Variants in GRID2 observed in about 807,000 individuals in gnomAD.
The protein encoded by GRID2 is glutamate receptor ionotropic, delta-2.
Under a neutral mutation model 114.8 loss-of-function variants are expected in GRID2, and 33 were observed. That is an observed-to-expected ratio of 0.29 (90% CI 0.22 to 0.38). The LOEUF (loss-of-function observed/expected upper bound fraction) is 0.38, where lower values mean the gene tolerates loss of function less well. GRID2 is among the 10% of genes least tolerant of loss of function. The pLI, the probability that GRID2 is intolerant of heterozygous loss-of-function variation, is 1.00. For synonymous variants in GRID2, 505 were observed against 449.9 expected, an observed-to-expected ratio of 1.12 and a Z score of -1.55; for missense variants, 1,184 against 1,257.7, an observed-to-expected ratio of 0.94 and a Z score of 0.89.
intron 2 of GRID2, among the ~76,000 whole-genome samples, chr4:93,000,157 G>A (rs1172517126): frequency 6.6e-6 from 1 of 151,646 alleles, no homozygotes; most frequent in East Asian, 1.9e-4. Context: ...GTACTTAGAA[G>A]AGTTAATAAC....
At chr4:92,541,458 C>A (rs965241392) in intron 1 of GRID2, among the ~76,000 whole-genome samples, 6 of 151,076 alleles carry the variant, frequency 4.0e-5, no homozygotes, top group African/African-American at 7.2e-5. Context: ...TGTGAAAAAA[C>A]CATATTAATC....
At chr4:93,153,604 G>T (rs180670694) in intron 4 of GRID2, among the ~76,000 whole-genome samples, 1 of 152,106 alleles carries the variant, frequency 6.6e-6, no homozygotes, top group African/African-American at 2.4e-5. Context: ...ATTCCAGGCC[G>T]GGACATAGCA....
chr4:93,707,377 T>C (rs998835695), intron 14 of GRID2, among the ~76,000 whole-genome samples: 1 of 152,126 alleles, frequency 6.6e-6, no homozygotes, highest in Admixed American at 6.5e-5. Context: ...TTGAACTAAG[T>C]ACTTGTTATT....
At chr4:93,242,171 A>G (rs1747604502) in intron 8 of GRID2, among the ~76,000 whole-genome samples, 1 of 151,946 alleles carries the variant, frequency 6.6e-6, no homozygotes, top group Admixed American at 6.6e-5. Context: ...GAGAAATAGG[A>G]GGCAAGATTA....
At chr4:92,389,153 A>G (rs1730125451) in intron 1 of GRID2, among the ~76,000 whole-genome samples, 1 of 150,224 alleles carries the variant, frequency 6.7e-6, no homozygotes, top group South Asian at 2.1e-4. Flanking sequence ...GCCTTTAATA[A>G]GATATATTTC....
intron 8 of GRID2, among the ~76,000 whole-genome samples, chr4:93,287,020 A>T (rs1753246708): frequency 6.6e-6 from 1 of 152,076 alleles, no homozygotes; most frequent in East Asian, 1.9e-4. Context: ...GGTAAGAAAA[A>T]ATATATATGA....
chr4:92,778,217 A>T (rs1416360262), intron 2 of GRID2, among the ~76,000 whole-genome samples: 1 of 151,890 alleles, frequency 6.6e-6, no homozygotes, highest in African/African-American at 2.4e-5. Context: ...CTTGATCCTC[A>T]TTTATACCTT....
rs1388131154 is a variant in GRID2 at position 92,715,963 on chromosome 4, T to A, written c.244+125677T>A. On this transcript the variant is annotated intron_variant, in intron 2 of 15. Transcript: ENST00000282020. ...AAGAAACTGCTATAGAATGAAAAAATTTAATGGTTTTCTACTTGAGATGTT... is the reference window on the plus strand; with the variant it reads ...AAGAAACTGCTATAGAATGAAAAAAATTAATGGTTTTCTACTTGAGATGTT... 5.3e-5 allele frequency among the ~76,000 whole-genome samples: 8 copies of A among 152,158 alleles called. No homozygotes were observed. The South Asian group carries it at 1.2e-3, about 24-fold the overall frequency.
intron 2 of GRID2, among the ~76,000 whole-genome samples, chr4:92,835,231 T>C (rs1578266261): frequency 6.8e-6 from 1 of 147,916 alleles, no homozygotes; most frequent in Non-Finnish European, 1.5e-5. Flanking sequence ...AGGTTGAGGG[T>C]AGGGAAAGTA....
chr4:93,635,688 G>A (rs972114175), intron 14 of GRID2, among the ~76,000 whole-genome samples: 1 of 151,958 alleles, frequency 6.6e-6, no homozygotes, highest in Non-Finnish European at 1.5e-5. Context: ...TCCTTGTGGA[G>A]CTACTTTTAT....
chr4:93,681,890 A>G (rs2110093293), intron 14 of GRID2, among the ~76,000 whole-genome samples: 1 of 151,970 alleles, frequency 6.6e-6, no homozygotes, highest in East Asian at 1.9e-4. Flanking sequence ...CATGTCTAAA[A>G]CACCAAAAGC....
chr4:93,111,829 G>A (rs1451674583), intron 4 of GRID2: 2 of 143,018 alleles, frequency 1.4e-5, no homozygotes, highest in Non-Finnish European at 3.0e-5. Context: ...TTCCAAATTA[G>A]GAACATGTTA....
intron 14 of GRID2, among the ~76,000 whole-genome samples, chr4:93,746,204 A>G (rs1731827382): frequency 6.6e-6 from 1 of 152,142 alleles, no homozygotes; most frequent in African/African-American, 2.4e-5. Flanking sequence ...TAAGTCACTA[A>G]ATATTCATTA....
chr4:93,355,578 T>C (rs184588737), intron 8 of GRID2, among the ~76,000 whole-genome samples: 364 of 152,190 alleles, frequency 2.4e-3, no homozygotes, highest in African/African-American at 6.6e-3. Context: ...ATTTCTGCTA[T>C]GTCCTCTTAG....
At chr4:93,074,804 G>A (rs1174841792) in intron 2 of GRID2, among the ~76,000 whole-genome samples, 4 of 152,014 alleles carry the variant, frequency 2.6e-5, no homozygotes, top group Non-Finnish European at 5.9e-5. Context: ...TATAAAGAGA[G>A]CTGACATCAC....
At chr4:93,560,685 T>A (rs13143406) in intron 13 of GRID2, among the ~76,000 whole-genome samples, 3 of 151,822 alleles carry the variant, frequency 2.0e-5, no homozygotes, top group African/African-American at 7.3e-5. Flanking sequence ...TTGCTGGGTT[T>A]CCCAGGCTGG....
chr4:92,739,170 C>T (rs1271156771), intron 2 of GRID2, among the ~76,000 whole-genome samples: 1 of 152,056 alleles, frequency 6.6e-6, no homozygotes, highest in Non-Finnish European at 1.5e-5. Context: ...CTCCACTGGC[C>T]TTGAGAAGTC....
chr4:93,104,794 A>C lies in GRID2; in HGVS notation c.530-5954A>C, dbSNP rs148247771. On this transcript the variant is annotated intron_variant, in intron 3 of 15. Coordinates refer to ENST00000282020, the MANE Select transcript of GRID2 (RefSeq NM_001510.4). ...CGTGTGCATGTGTCTTTATAGCTACATGATTTACAGTCCTTTGGGTATATA... is the reference window on the plus strand; with the variant it reads ...CGTGTGCATGTGTCTTTATAGCTACCTGATTTACAGTCCTTTGGGTATATA... 3.5e-3 allele frequency among the ~76,000 whole-genome samples: 526 copies of C among 152,302 alleles called. 7 individuals are homozygous for C. Among genetic ancestry groups the C allele is most frequent in the Admixed American group, 0.025 (386 of 15,298 alleles).
chr4:92,994,414 G>A lies in GRID2; in HGVS notation c.245-90581G>A, dbSNP rs375781249. Among the ~76,000 whole-genome samples, 38 of 151,998 alleles carry A rather than the reference G, an allele frequency of 2.5e-4. 1 individual carries two copies. The highest frequency in any genetic ancestry group is 8.7e-4 in the African/African-American group (36 of 41,474). On this transcript the variant is annotated intron_variant, in intron 2 of 15. Transcript: ENST00000282020. ...GTTACCCAGGCTGGAGTGCAACGGC[G>A]GGATCTTGGCTCACTGCAACCTCTG...
Sources: gnomAD v4.1 joint callset for allele counts (sites outside exome capture counted in the v4.1 genomes callset) on GRCh38, gnomAD v4.1.1 for gene constraint, MANE v1.5 for transcripts, NCBI Gene and HGNC (gene_info 2026-07-23, HGNC 2026-07-21) for gene names.